PAX7: variants seen among roughly 807,000 people sequenced by gnomAD.
PAX7 encodes paired box protein Pax-7.
In PAX7, 18 loss-of-function variants were observed where a neutral mutation model predicts 50.7. That is an observed-to-expected ratio of 0.36 (90% CI 0.25 to 0.53). The LOEUF is 0.53. PAX7 is among the 20% of genes least tolerant of loss of function. The pLI is 0.93. For synonymous variants in PAX7, 310 were observed against 290.4 expected (o/e 1.07, Z -0.69); for missense variants, 644 against 702.9 (o/e 0.92, Z 0.95).
intron 7 of PAX7, among the ~76,000 whole-genome samples, chr1:18,718,224 G>A (rs2089451475): frequency 6.6e-6 from 1 of 152,198 alleles, no homozygotes; most frequent in Non-Finnish European, 1.5e-5. Context: ...GCTGGCCAGG[G>A]ATGGAAGGGG....
At chr1:18,674,753 C>A (rs1403547167) in intron 4 of PAX7, among the ~76,000 whole-genome samples, 1 of 152,218 alleles carries the variant, frequency 6.6e-6, no homozygotes, top group South Asian at 2.1e-4. Flanking sequence ...CAGGCTCTTG[C>A]TCCCTTTCAC....
At chr1:18,713,527 T>C (rs2089381045) in intron 7 of PAX7, among the ~76,000 whole-genome samples, 1 of 152,180 alleles carries the variant, frequency 6.6e-6, no homozygotes, top group East Asian at 1.9e-4. Flanking sequence ...TATGATTCCC[T>C]TCAAATTCAT....
At chr1:18,659,470 G>C (rs1303782115) in intron 4 of PAX7, among the ~76,000 whole-genome samples, 2 of 152,150 alleles carry the variant, frequency 1.3e-5, no homozygotes, top group African/African-American at 4.8e-5. Flanking sequence ...GGCCTGAAAA[G>C]GGAGTGTCCC....
intron 4 of PAX7, among the ~76,000 whole-genome samples, chr1:18,651,477 T>C (rs2088430163): frequency 6.6e-6 from 1 of 152,230 alleles, no homozygotes; most frequent in African/African-American, 2.4e-5. Flanking sequence ...GATATAACTG[T>C]CTAGATTTAT....
chr1:18,717,916 C>A (rs2089447203), intron 7 of PAX7, among the ~76,000 whole-genome samples: 1 of 152,318 alleles, frequency 6.6e-6, no homozygotes, highest in South Asian at 2.1e-4. Flanking sequence ...TCTGCAGCCC[C>A]CTCTTAGGGG....
At chr1:18,675,524 T>G (rs1246999212) in intron 4 of PAX7, among the ~76,000 whole-genome samples, 1 of 152,196 alleles carries the variant, frequency 6.6e-6, no homozygotes, top group East Asian at 1.9e-4. Context: ...GCCGGTGCTG[T>G]CCTGGGCTCT....
chr1:18,639,147 C>G (rs978448748), intron 4 of PAX7, among the ~76,000 whole-genome samples: 1 of 152,050 alleles, frequency 6.6e-6, no homozygotes, highest in East Asian at 1.9e-4. Context: ...AATGTTAAGA[C>G]TTATTAGAGC....
At chr1:18,733,934 GC>G (rs2089678880) in intron 7 of PAX7, among the ~76,000 whole-genome samples, 1 of 152,060 alleles carries the variant, frequency 6.6e-6, no homozygotes, top group Admixed American at 6.5e-5. Flanking sequence ...TCCTAGCTTT[GC>G]CCCACAAATC....
chr1:18,679,612 G>T (rs1198218198), intron 4 of PAX7, among the ~76,000 whole-genome samples: 3 of 152,142 alleles, frequency 2.0e-5, no homozygotes, highest in Non-Finnish European at 4.4e-5. Flanking sequence ...TGCTACAGCT[G>T]AATCACTTAC....
At chr1:18,722,876 T>C (rs1225978167) in intron 7 of PAX7, among the ~76,000 whole-genome samples, 4 of 152,184 alleles carry the variant, frequency 2.6e-5, no homozygotes, top group Admixed American at 2.6e-4. Context: ...CTTTTTCCTC[T>C]CCATCTTCTG....
chr1:18,673,437 T>G (rs1033630470), intron 4 of PAX7, among the ~76,000 whole-genome samples: 3 of 152,188 alleles, frequency 2.0e-5, no homozygotes, highest in Non-Finnish European at 4.4e-5. Context: ...CTTCGTGCCC[T>G]GTCAGAACCA....
chr1:18,662,645 G>A (rs1037781844), intron 4 of PAX7, among the ~76,000 whole-genome samples: 3 of 152,050 alleles, frequency 2.0e-5, no homozygotes, highest in South Asian at 2.1e-4. Flanking sequence ...ATCTAAGCTC[G>A]CTGCAGCCTC....
intron 7 of PAX7, among the ~76,000 whole-genome samples, chr1:18,716,513 T>TTGTTTG (rs59102162): frequency 6.6e-5 from 10 of 150,708 alleles, no homozygotes; most frequent in Non-Finnish European, 1.3e-4. Flanking sequence ...TGTTTTTTGT[T>TTGTTTG]TTTTTCACAC....
rs548906088 is a variant in PAX7 at position 18,718,233 on chromosome 1, G to C, written c.1155+14937G>C. 2.0e-5 allele frequency among the ~76,000 whole-genome samples: 3 copies of C among 152,280 alleles called. No homozygotes were observed. In the East Asian group the frequency reaches 5.8e-4, roughly 29 times the overall value. ...CTCAGAGCTGGCCAGGGATGGAAGG[G>C]GTAACTTTGGAAAGCAGGGAGTGCG... On this transcript the variant is annotated intron_variant, in intron 7 of 8. Transcript: ENST00000420770.
At chr1:18,695,073 A>G (rs2089134016) in intron 5 of PAX7, among the ~76,000 whole-genome samples, 1 of 152,174 alleles carries the variant, frequency 6.6e-6, no homozygotes, top group Non-Finnish European at 1.5e-5. Context: ...GGATTGGTTC[A>G]GGGTAGGCTT....
In PAX7 at chr1:18,636,491, C is replaced by G. The variant is rs2088159932; in HGVS notation, c.586+120C>G. On this transcript the variant is annotated intron_variant, in intron 4 of 8. Transcript: ENST00000420770. The surrounding 1 kb of genome is among the most constrained non-coding windows in gnomAD (Gnocchi z 5.1). The stretch of plus-strand genomic sequence containing the variant: ...ACCAGAACTCCAGCGGAGAAACTCT[C>G]ATGCTGCGGGGCAGCTGGGAGCCGC... 2 of 1,284,000 alleles carry G rather than the reference C, an allele frequency of 1.6e-6. No individual in the cohort carries two copies. The highest frequency in any genetic ancestry group is 2.0e-4 in the Middle Eastern group (1 of 4,884). The allele number at this position is 1,284,000 out of a possible 1,614,324, so 79.5% of individuals were successfully genotyped here. A position where few individuals can be genotyped will look rare whatever the true frequency, so the allele number is the denominator to read the frequency against.
intron 4 of PAX7, among the ~76,000 whole-genome samples, chr1:18,637,679 C>T (rs186309929): frequency 1.3e-5 from 2 of 152,378 alleles, no homozygotes; most frequent in African/African-American, 4.8e-5. Context: ...TAAGACAACT[C>T]CCATCTACGC....
At chr1:18,718,928 C>T (rs937275145) in intron 7 of PAX7, among the ~76,000 whole-genome samples, 13 of 152,158 alleles carry the variant, frequency 8.5e-5, no homozygotes, top group Admixed American at 4.6e-4. Context: ...GCATGAGCCA[C>T]GGCACCCAGC....
intron 7 of PAX7, among the ~76,000 whole-genome samples, chr1:18,720,887 G>C (rs944476953): frequency 2.0e-5 from 3 of 152,014 alleles, no homozygotes; most frequent in Non-Finnish European, 2.9e-5. Flanking sequence ...GATGATGGAG[G>C]GGGGACCCAG....
Sources: allele counts gnomAD v4.1 joint callset (sites outside exome capture counted in the v4.1 genomes callset), GRCh38; gene constraint gnomAD v4.1.1; non-coding constraint Gnocchi (gnomAD v3.1); transcripts MANE v1.5; gene names NCBI Gene and HGNC (gene_info 2026-07-23, HGNC 2026-07-21).